The following PHF21B variants were observed in gnomAD, a reference collection of about 807,000 sequenced individuals.
PHF21B encodes the protein PHD finger protein 21B, also known as PHD finger protein 4.
PHF21B carries 22 observed loss-of-function variants against 62.2 expected under a neutral mutation model. That is an observed-to-expected ratio of 0.35 (90% CI 0.25 to 0.51). The LOEUF is 0.51. Among genes scored for constraint, PHF21B ranks in the 20% least tolerant of loss-of-function variants. PHF21B has a pLI of 0.97. For missense variants in PHF21B, 701 were observed against 707.9 expected, an observed-to-expected ratio of 0.99 and a Z score of 0.11; for synonymous variants, 341 against 314.7, an observed-to-expected ratio of 1.08 and a Z score of -0.88.
At chr22:44,967,007 G>C (rs957805226) in intron 2 of PHF21B, 1 of 152,076 alleles carries the variant, frequency 6.6e-6, no homozygotes, top group Non-Finnish European at 1.5e-5. Flanking sequence ...AGGTAAAGAC[G>C]ACCACACCTC....
At position 45,009,660 on chromosome 22, in the gene PHF21B, T is replaced by C. The variant is rs2073389462; in HGVS notation, c.-111A>G. 7.4e-6 allele frequency: 8 copies of C among 1,076,480 alleles called. No individual in the cohort carries two copies. Among genetic ancestry groups the C allele is most frequent in the East Asian group, 6.3e-5 (2 of 31,966 alleles). The allele number at this position is 1,076,480 out of a possible 1,614,324, so 66.7% of individuals were successfully genotyped here. A position where few individuals can be genotyped will look rare whatever the true frequency, so the allele number is the denominator to read the frequency against. On this transcript the variant is annotated 5_prime_UTR_variant, in exon 1 of 13. Coordinates refer to ENST00000313237, the MANE Select transcript of PHF21B (RefSeq NM_138415.5). The surrounding 1 kb of genome is among the most constrained non-coding windows in gnomAD (Gnocchi z 5.9). ...GGGCGGACGCGGCCTCCGGGCTGGG[T>C]TGGGGGGGACACGAGCCCCCTCCCC...
intron 2 of PHF21B, among the ~76,000 whole-genome samples, chr22:44,985,062 A>G (rs2072921696): frequency 6.6e-6 from 1 of 152,216 alleles, no homozygotes; most frequent in Non-Finnish European, 1.5e-5. Flanking sequence ...CCAGGAACAC[A>G]AGGAACTTCA....
chr22:45,000,019 GCCAT>G lies in PHF21B; in HGVS notation c.120+8522_120+8525del, dbSNP rs2073186188. 5.3e-5 allele frequency among the ~76,000 whole-genome samples: 8 copies of G among 152,218 alleles called. No individual in the cohort carries two copies. In the South Asian group the frequency reaches 1.7e-3, roughly 32 times the overall value. ...CACCAGGCACTCTGCTGCCTGGCTG[GCCAT>G]GAACTATTATTAATCCCCTTTTATA... On this transcript the variant is annotated intron_variant, in intron 2 of 12. Coordinates refer to ENST00000313237, the MANE Select transcript of PHF21B (RefSeq NM_138415.5).
At chr22:44,958,542 C>T (rs1229843837) in intron 2 of PHF21B, among the ~76,000 whole-genome samples, 3 of 151,004 alleles carry the variant, frequency 2.0e-5, no homozygotes, top group Non-Finnish European at 2.9e-5. Context: ...ATTCCATTAG[C>T]GTCCTATTCT....
chr22:44,885,377 G>C, intron 12 of PHF21B, 49 bp downstream of exon 12: 1 of 1,503,474 alleles, frequency 6.7e-7, no homozygotes, highest in Non-Finnish European at 8.9e-7. Flanking sequence ...CTAGACCCGG[G>C]GCACACCTGC....
Position 44,882,829 on chromosome 22 carries a change from G to T in PHF21B, c.*257C>A. On this transcript the variant is annotated 3_prime_UTR_variant, in exon 13 of 13. Coordinates refer to ENST00000313237, the MANE Select transcript of PHF21B (RefSeq NM_138415.5). ...CCCAGGCAGCCCCGAGGTGGCCGGG[G>T]GGAGACTGTGTGCCCCAGCCTGTCG... 1 of 464,182 alleles carries T rather than the reference G, an allele frequency of 2.2e-6. No homozygotes were observed. The highest frequency in any genetic ancestry group is 3.1e-5 in the South Asian group (1 of 32,212). The allele number at this position is 464,182 out of a possible 1,614,324, so 28.8% of individuals were successfully genotyped here.
At chr22:45,007,917 G>A (rs948010784) in intron 2 of PHF21B, among the ~76,000 whole-genome samples, 1 of 152,032 alleles carries the variant, frequency 6.6e-6, no homozygotes, top group African/African-American at 2.4e-5. Context: ...CGGAGGGGGG[G>A]GAGCGGTCGC....
intron 5 of PHF21B, among the ~76,000 whole-genome samples, chr22:44,907,201 G>C (rs1210862732): frequency 6.6e-6 from 1 of 152,202 alleles, no homozygotes; most frequent in Non-Finnish European, 1.5e-5. Flanking sequence ...CCTCTGCTCC[G>C]AGTTGCTTCC....
In PHF21B at chr22:44,996,091, G is replaced by A. The variant is rs369460559; in HGVS notation, c.120+12454C>T. Among the ~76,000 whole-genome samples the A allele has an allele frequency of 3.0e-4, 45 of 152,206 alleles. No homozygotes were observed. In the South Asian group the frequency reaches 6.0e-3, roughly 20 times the overall value. ...CTCTTGAAAAATCCAAGGAGCCAGC[G>A]GCACAGGGCCCATGCCACATGACAA... On this transcript the variant is annotated intron_variant, in intron 2 of 12. Transcript: ENST00000313237.
rs995843564 is a variant in PHF21B at position 44,911,010 on chromosome 22, G to T, written c.831+2812C>A. Among the ~76,000 whole-genome samples, 5 of 152,234 alleles carry T rather than the reference G, an allele frequency of 3.3e-5. No individual in the cohort carries two copies. The East Asian group carries it at 5.8e-4, about 18-fold the overall frequency. Reference sequence around the variant, plus strand: ...GGTCTCAGATGGAGACAAGGAACTTGTTGGGAACTGGAGCAAAGGTGACTC... The same window carrying T: ...GGTCTCAGATGGAGACAAGGAACTTTTTGGGAACTGGAGCAAAGGTGACTC... On this transcript the variant is annotated intron_variant, in intron 5 of 12. Coordinates refer to ENST00000313237, the MANE Select transcript of PHF21B (RefSeq NM_138415.5).
chr22:44,966,568 C>G (rs764898111), intron 2 of PHF21B, among the ~76,000 whole-genome samples: 1 of 152,150 alleles, frequency 6.6e-6, no homozygotes, highest in Non-Finnish European at 1.5e-5. Flanking sequence ...AGGTCAAGGC[C>G]AGGCAGGTGC....
chr22:44,924,808 T>A (rs572957146), intron 2 of PHF21B, among the ~76,000 whole-genome samples: 7 of 152,270 alleles, frequency 4.6e-5, no homozygotes, highest in Non-Finnish European at 1.0e-4. Flanking sequence ...TTCCTAAGCA[T>A]TCGCCAAGAG....
In PHF21B at chr22:44,883,307, G is replaced by A; in HGVS notation, c.1378-3C>T. The A allele has an allele frequency of 1.2e-6, 2 of 1,613,120 alleles. No homozygotes were observed. Among genetic ancestry groups the A allele is most frequent in the Non-Finnish European group, 1.7e-6 (2 of 1,179,690 alleles). ...CTTGTCTTCAACTCCAGGCATTTCTGTTGGGGAGAAGGTCAGGGGAAAGGG... is the reference window on the plus strand; with the variant it reads ...CTTGTCTTCAACTCCAGGCATTTCTATTGGGGAGAAGGTCAGGGGAAAGGG... On this transcript the variant is annotated splice_region_variant and splice_polypyrimidine_tract_variant and intron_variant, in intron 12 of 12. Coordinates refer to ENST00000313237, the MANE Select transcript of PHF21B (RefSeq NM_138415.5).
At chr22:44,933,804 T>TG (rs1372475047) in intron 2 of PHF21B, among the ~76,000 whole-genome samples, 2 of 151,916 alleles carry the variant, frequency 1.3e-5, no homozygotes, top group African/African-American at 4.8e-5. Flanking sequence ...AAGTGAGGAA[T>TG]GAATCTGTGT....
Position 44,902,329 on chromosome 22 carries a change from A to G in PHF21B, c.832-6246T>C. On this transcript the variant is annotated intron_variant, in intron 5 of 12. Transcript: ENST00000313237. ...ATCATCAAAAAGCTGTGGACTCACA[A>G]ATTTTACTGAGTATCAAAGCTATTC... 4 of 334,354 alleles carry G rather than the reference A, an allele frequency of 1.2e-5. 1 individual carries two copies. The highest frequency in any genetic ancestry group is 9.5e-5 in the South Asian group (3 of 31,418). The allele number at this position is 334,354 out of a possible 1,614,324, so 20.7% of individuals were successfully genotyped here.
intron 2 of PHF21B, among the ~76,000 whole-genome samples, chr22:44,978,200 T>C (rs143641261): frequency 6.6e-6 from 1 of 152,118 alleles, no homozygotes; most frequent in Non-Finnish European, 1.5e-5. Context: ...TCTCCCCTCA[T>C]CTTTACTAGA....
intron 2 of PHF21B, among the ~76,000 whole-genome samples, chr22:44,960,765 G>C (rs1004768632): frequency 6.6e-6 from 1 of 152,154 alleles, no homozygotes; most frequent in African/African-American, 2.4e-5. Context: ...GAGAAGTCCT[G>C]CTGTCTGCCT....
rs781034620 is a variant in PHF21B at position 44,887,974 on chromosome 22, A to G, written c.1186T>C (p.Cys396Arg). ...ACAGCCTCCTGTACCTTCTGCTGGCACCTGGGGCACACCCACACGCCCTTG... is the reference window on the plus strand; with the variant it reads ...ACAGCCTCCTGTACCTTCTGCTGGCGCCTGGGGCACACCCACACGCCCTTG... ...APKGVWVCPR[C>R]QQKALKKDEG... Residue 396 changes from cysteine (C) to arginine (R), a missense_variant, in exon 10 of 13, where the codon TGC (cysteine) becomes CGC (arginine). Transcript: ENST00000313237. 2.0e-6 allele frequency: 3 copies of G among 1,536,848 alleles called. No individual in the cohort carries two copies. Among genetic ancestry groups the G allele is most frequent in the Non-Finnish European group, 2.6e-6 (3 of 1,141,232 alleles).
chr22:44,957,285 C>A (rs576658534), intron 2 of PHF21B, among the ~76,000 whole-genome samples: 1 of 152,222 alleles, frequency 6.6e-6, no homozygotes, highest in Non-Finnish European at 1.5e-5. Context: ...CAACAATTAG[C>A]TCTTCTGGAA....
Sources: allele counts gnomAD v4.1 joint callset (sites outside exome capture counted in the v4.1 genomes callset), GRCh38; gene constraint gnomAD v4.1.1; non-coding constraint Gnocchi (gnomAD v3.1); transcripts MANE v1.5; gene names NCBI Gene and HGNC (gene_info 2026-07-23, HGNC 2026-07-21).